Variants in GALNT13 observed in about 807,000 individuals in gnomAD.
GALNT13 encodes the protein polypeptide N-acetylgalactosaminyltransferase 13.
A neutral mutation model predicts 64.2 loss-of-function variants in GALNT13; 28 were observed. That is an observed-to-expected ratio of 0.44 (90% confidence interval 0.32 to 0.60). The LOEUF (loss-of-function observed/expected upper bound fraction) is 0.60. Ranked by LOEUF, GALNT13 falls within the 20% of genes least tolerant of loss-of-function variation. The probability of loss-of-function intolerance (pLI) is 0.05; values close to 1 mark genes in which losing one functional copy is unlikely to be tolerated. For missense variants in GALNT13, 577 were observed against 669.8 expected (o/e 0.86, Z 1.53); for synonymous variants, 214 against 224.6 (o/e 0.95, Z 0.42).
intron 10 of GALNT13, among the ~76,000 whole-genome samples, chr2:154,400,505 G>C (rs2105372024): frequency 6.6e-6 from 1 of 152,102 alleles, no homozygotes; most frequent in African/African-American, 2.4e-5. Context: ...AATATATAGA[G>C]GCAAATATGG....
chr2:154,137,716 G>A (rs1438349710), intron 3 of GALNT13, among the ~76,000 whole-genome samples: 3 of 152,044 alleles, frequency 2.0e-5, no homozygotes, highest in Non-Finnish European at 2.9e-5. Context: ...TCCACAGAGC[G>A]AAATTTTAAT....
At chr2:153,770,040 T>C in the GALNT13 span, among the ~76,000 whole-genome samples, 1 of 152,160 alleles carries the variant, frequency 6.6e-6, no homozygotes, top group African/African-American at 2.4e-5. Context: ...AAAATGAACA[T>C]TTTGAGTTTT....
chr2:153,681,070 C>T, the GALNT13 span, among the ~76,000 whole-genome samples: 1 of 151,870 alleles, frequency 6.6e-6, no homozygotes, highest in South Asian at 2.1e-4. Flanking sequence ...GGCCAAATTC[C>T]CTAATGACAC....
the GALNT13 span, among the ~76,000 whole-genome samples, chr2:153,254,828 G>C: frequency 6.6e-6 from 1 of 152,168 alleles, no homozygotes; most frequent in Non-Finnish European, 1.5e-5. Flanking sequence ...ACTGTGGTCT[G>C]AGAGACAGTT....
At chr2:154,287,599 G>A (rs1174739612) in intron 8 of GALNT13, among the ~76,000 whole-genome samples, 5 of 151,386 alleles carry the variant, frequency 3.3e-5, no homozygotes, top group Admixed American at 3.3e-4. Flanking sequence ...CTTTTGAATT[G>A]TTATTATTAT....
intron 3 of GALNT13, among the ~76,000 whole-genome samples, chr2:153,950,354 G>A (rs1331463912): frequency 1.3e-5 from 2 of 152,024 alleles, no homozygotes. Flanking sequence ...AAATAAATTT[G>A]TGAAGAAATA....
At chr2:153,376,438 G>C in the GALNT13 span, among the ~76,000 whole-genome samples, 1 of 152,156 alleles carries the variant, frequency 6.6e-6, no homozygotes, top group Non-Finnish European at 1.5e-5. Context: ...AGCAACTGCA[G>C]GATATTAGAA....
At chr2:153,786,167 A>G in the GALNT13 span, among the ~76,000 whole-genome samples, 1 of 152,146 alleles carries the variant, frequency 6.6e-6, no homozygotes, top group Non-Finnish European at 1.5e-5. Context: ...TCACCACTTC[A>G]ATCAGAGGCA....
At chr2:154,194,546 T>G (rs549200851) in intron 4 of GALNT13, among the ~76,000 whole-genome samples, 217 of 152,326 alleles carry the variant, frequency 1.4e-3, no homozygotes, top group Non-Finnish European at 2.3e-3. Flanking sequence ...ATGAACCAGA[T>G]GGTAAATCTG....
the GALNT13 span, among the ~76,000 whole-genome samples, chr2:153,110,613 G>A: frequency 1.3e-5 from 2 of 152,164 alleles, no homozygotes; most frequent in South Asian, 4.1e-4. Context: ...TCTTAGGCAG[G>A]AGACTAATGT....
intron 3 of GALNT13, among the ~76,000 whole-genome samples, chr2:154,115,935 C>T (rs568047960): frequency 6.6e-6 from 1 of 152,234 alleles, no homozygotes; most frequent in African/African-American, 2.4e-5. Context: ...CATACCTCCT[C>T]ATGGGTCACA....
At position 154,050,739 on chromosome 2, in the gene GALNT13, A is replaced by G. The variant is rs545676173; in HGVS notation, c.143-89598A>G. Among the ~76,000 whole-genome samples the G allele has an allele frequency of 6.6e-5, 10 of 152,346 alleles. No homozygotes were observed. The South Asian group carries it at 2.1e-3, about 32-fold the overall frequency. On this transcript the variant is annotated intron_variant, in intron 3 of 12. Coordinates refer to ENST00000392825, the MANE Select transcript of GALNT13 (RefSeq NM_052917.4). ...ACATCTGTATTTTTCTTTATAAAAC[A>G]AATGTAGTGAAATAGTTTAATGCTG...
At chr2:153,648,713 A>C in the GALNT13 span, among the ~76,000 whole-genome samples, 7 of 152,016 alleles carry the variant, frequency 4.6e-5, no homozygotes, top group South Asian at 6.2e-4. Context: ...TTCTGCATCT[A>C]TTGAGATGAT....
At chr2:153,691,283 G>T in the GALNT13 span, among the ~76,000 whole-genome samples, 4,524 of 152,102 alleles carry the variant, frequency 0.03, 103 homozygotes, top group Middle Eastern at 0.054. Flanking sequence ...TTTTTTGCTG[G>T]AAATCAGAAT....
intron 9 of GALNT13, among the ~76,000 whole-genome samples, chr2:154,329,400 G>C (rs1695049674): frequency 6.6e-6 from 1 of 152,186 alleles, no homozygotes; most frequent in African/African-American, 2.4e-5. Flanking sequence ...ACCATGCCCA[G>C]CCTGAAATTT....
chr2:154,183,323 A>G (rs1686066288), intron 4 of GALNT13, among the ~76,000 whole-genome samples: 1 of 152,164 alleles, frequency 6.6e-6, no homozygotes, highest in Non-Finnish European at 1.5e-5. Context: ...AACTGTTCAT[A>G]GTAGTTTCTT....
intron 10 of GALNT13, among the ~76,000 whole-genome samples, chr2:154,408,031 A>T (rs1699632408): frequency 6.6e-6 from 1 of 152,136 alleles, no homozygotes; most frequent in African/African-American, 2.4e-5. Context: ...TAATTCTACC[A>T]ACTGAACAGT....
At chr2:153,345,077 A>G in the GALNT13 span, among the ~76,000 whole-genome samples, 2 of 152,192 alleles carry the variant, frequency 1.3e-5, no homozygotes, top group Non-Finnish European at 2.9e-5. Flanking sequence ...GACTTCAGGG[A>G]AAATAATTTC....
At chr2:154,140,135 CT>C (rs1683174240) in intron 3 of GALNT13, among the ~76,000 whole-genome samples, 1 of 152,026 alleles carries the variant, frequency 6.6e-6, no homozygotes, top group South Asian at 2.1e-4. Flanking sequence ...TATAATTTAT[CT>C]AAACTTGGAA....
Sources: gnomAD v4.1 joint callset for allele counts (sites outside exome capture counted in the v4.1 genomes callset) on GRCh38, gnomAD v4.1.1 for gene constraint, MANE v1.5 for transcripts, NCBI Gene and HGNC (gene_info 2026-07-23, HGNC 2026-07-21) for gene names.